Variants in MARCHF1 observed in about 807,000 individuals in gnomAD.
MARCHF1 encodes E3 ubiquitin-protein ligase MARCHF1.
MARCHF1 carries 40 observed loss-of-function variants against 54.2 expected under a neutral mutation model. The observed-to-expected ratio is 0.74, with a 90% CI of 0.57 to 0.96. The LOEUF (loss-of-function observed/expected upper bound fraction) is 0.96, where lower values mean the gene tolerates loss of function less well. Among genes scored for constraint, MARCHF1 ranks in the 40% least tolerant of loss-of-function variants. MARCHF1 has a pLI of 0.00. For missense variants in MARCHF1, 586 were observed against 656.5 expected (o/e 0.89, Z 1.17); for synonymous variants, 236 against 236.3 (o/e 1.00, Z 0.01).
intron 5 of MARCHF1, among the ~76,000 whole-genome samples, chr4:163,664,937 GAACAT>G (rs775882870): frequency 3.9e-5 from 6 of 151,972 alleles, no homozygotes; most frequent in Non-Finnish European, 7.4e-5. Flanking sequence ...TAATAAAAAT[GAACAT>G]ATCATAATGA....
intron 2 of MARCHF1, among the ~76,000 whole-genome samples, chr4:164,042,673 T>C (rs940872736): frequency 2.0e-5 from 3 of 152,064 alleles, no homozygotes; most frequent in African/African-American, 7.2e-5. Context: ...TTCTCAGCAG[T>C]CCCCCAGTCT....
intron 3 of MARCHF1, among the ~76,000 whole-genome samples, chr4:163,872,289 A>C (rs1331498419): frequency 2.0e-5 from 3 of 152,232 alleles, no homozygotes; most frequent in African/African-American, 7.2e-5. Flanking sequence ...GGCAAAGACA[A>C]CACTTGAATA....
intron 2 of MARCHF1, among the ~76,000 whole-genome samples, chr4:164,015,838 G>A (rs1050120106): frequency 2.6e-5 from 4 of 151,598 alleles, no homozygotes; most frequent in African/African-American, 7.3e-5. Flanking sequence ...CCCTTTATAC[G>A]CTGTTGGTAA....
chr4:164,146,266 C>A (rs1729727461), intron 1 of MARCHF1, among the ~76,000 whole-genome samples: 1 of 148,346 alleles, frequency 6.7e-6, no homozygotes, highest in African/African-American at 2.6e-5. Context: ...TTTACAGATT[C>A]CATGCCATCC....
chr4:163,697,024 G>A (rs1744656325), intron 5 of MARCHF1, among the ~76,000 whole-genome samples: 1 of 152,104 alleles, frequency 6.6e-6, no homozygotes, highest in Admixed American at 6.6e-5. Context: ...TCAGCAAAGG[G>A]AAAAGGCACA....
At chr4:163,657,534 T>C (rs1465752602) in intron 5 of MARCHF1, among the ~76,000 whole-genome samples, 6 of 152,086 alleles carry the variant, frequency 3.9e-5, no homozygotes, top group Admixed American at 1.3e-4. Context: ...ACCATGGAAA[T>C]TCTTCACAGA....
intron 3 of MARCHF1, among the ~76,000 whole-genome samples, chr4:163,957,092 G>T (rs1407609102): frequency 1.3e-5 from 2 of 151,896 alleles, no homozygotes; most frequent in East Asian, 3.9e-4. Flanking sequence ...AATAGAATCT[G>T]AATGTTTTAA....
chr4:163,712,166 A>T (rs1309917427), intron 4 of MARCHF1, among the ~76,000 whole-genome samples: 1 of 152,158 alleles, frequency 6.6e-6, no homozygotes, highest in East Asian at 1.9e-4. Flanking sequence ...TGTTTTCATT[A>T]GTGTTTTTCA....
rs543406709 is a variant in MARCHF1 at position 164,357,111 on chromosome 4, T to C, written c.-323+26759A>G. On this transcript the variant is annotated intron_variant, in intron 1 of 9. Transcript: ENST00000514618. ...CATATGCACCCCTGAACTTAAGTTT[T>C]TTTTTAAGAAAAAAAAAAATAAATA... Among the ~76,000 whole-genome samples, 18 of 108,290 alleles carry C rather than the reference T, an allele frequency of 1.7e-4. No homozygotes were observed. In the South Asian group the frequency reaches 3.5e-3, roughly 21 times the overall value. 71.0% of individuals were successfully genotyped at this position (108,290 alleles called of 152,430 possible). A position where few individuals can be genotyped will look rare whatever the true frequency, so the allele number is the denominator to read the frequency against.
At chr4:164,221,146 G>T (rs1732099133) in intron 1 of MARCHF1, among the ~76,000 whole-genome samples, 1 of 152,010 alleles carries the variant, frequency 6.6e-6, no homozygotes, top group Non-Finnish European at 1.5e-5. Flanking sequence ...AATAGTCTAT[G>T]AATTTGCTGA....
chr4:163,949,581 C>G (rs1301238354), intron 3 of MARCHF1, among the ~76,000 whole-genome samples: 1 of 152,184 alleles, frequency 6.6e-6, no homozygotes, highest in Non-Finnish European at 1.5e-5. Context: ...GTTACACAGA[C>G]AAGTGGAGGG....
chr4:163,591,425 A>G, intron 7 of MARCHF1, among the ~76,000 whole-genome samples: 1 of 152,044 alleles, frequency 6.6e-6, no homozygotes, highest in East Asian at 1.9e-4. Flanking sequence ...CTTAAAGCCT[A>G]TACCACACAG....
chr4:164,114,149 C>A (rs1288979502), intron 1 of MARCHF1, among the ~76,000 whole-genome samples: 1 of 151,764 alleles, frequency 6.6e-6, no homozygotes, highest in Admixed American at 6.6e-5. Context: ...TCAAAACATA[C>A]GTTTATCTAC....
At chr4:164,129,133 C>G (rs1756247861) in intron 1 of MARCHF1, among the ~76,000 whole-genome samples, 1 of 152,102 alleles carries the variant, frequency 6.6e-6, no homozygotes, top group African/African-American at 2.4e-5. Flanking sequence ...GATGGAGAAG[C>G]TGAAAGTGTT....
At chr4:164,354,085 G>A (rs1421013186) in intron 1 of MARCHF1, among the ~76,000 whole-genome samples, 1 of 84,312 alleles carries the variant, frequency 1.2e-5, no homozygotes, top group Admixed American at 1.2e-4. Context: ...TCTCTGAATA[G>A]ACGAATAACA....
chr4:164,060,431 C>A lies in MARCHF1; in HGVS notation c.-248+51157G>T, dbSNP rs568298726. 4.6e-5 allele frequency among the ~76,000 whole-genome samples: 7 copies of A among 152,140 alleles called. No individual in the cohort carries two copies. The South Asian group carries it at 1.5e-3, about 32-fold the overall frequency. ...CAAACTACATTAATAGAAAATAGTT[C>A]ATCAAATAAAGAAGATTATAATCAC... is the stretch of plus-strand genomic sequence containing the variant. On this transcript the variant is annotated intron_variant, in intron 2 of 9. Transcript: ENST00000514618.
intron 4 of MARCHF1, among the ~76,000 whole-genome samples, chr4:163,777,328 T>A (rs940206369): frequency 4.6e-5 from 7 of 152,182 alleles, no homozygotes; most frequent in African/African-American, 1.7e-4. Flanking sequence ...AATCCATATT[T>A]GTATCCATAA....
chr4:163,838,993 TA>T (rs1749265715), intron 4 of MARCHF1, among the ~76,000 whole-genome samples: 1 of 152,038 alleles, frequency 6.6e-6, no homozygotes, highest in Non-Finnish European at 1.5e-5. Context: ...AAAATATTTG[TA>T]AATCTTATAT....
At chr4:163,554,426 G>A (rs1194603503) in intron 8 of MARCHF1, among the ~76,000 whole-genome samples, 2 of 152,204 alleles carry the variant, frequency 1.3e-5, no homozygotes, top group African/African-American at 4.8e-5. Flanking sequence ...AGCAGAGAGA[G>A]CTGGGGTAGG....
Sources: allele counts gnomAD v4.1 joint callset (sites outside exome capture counted in the v4.1 genomes callset), GRCh38; gene constraint gnomAD v4.1.1; transcripts MANE v1.5; gene names NCBI Gene and HGNC (gene_info 2026-07-23, HGNC 2026-07-21).